SPATA31H1: variants seen among roughly 807,000 people sequenced by gnomAD.
SPATA31H1 encodes SPATA31 subfamily H member 1.
At chr2:27,566,331 C>G in the SPATA31H1 span, 1 of 717,386 alleles carries the variant, frequency 1.4e-6, no homozygotes, top group Admixed American at 2.0e-5. Flanking sequence ...AATATATACT[C>G]TGGTCAATGG....
chr2:27,578,588 A>G, the SPATA31H1 span: 2 of 1,613,900 alleles, frequency 1.2e-6, no homozygotes, highest in Non-Finnish European at 1.7e-6. Context: ...CATTTGAGGA[A>G]CATACAATAT....
At chr2:27,577,894 G>A in the SPATA31H1 span, 56 of 1,614,088 alleles carry the variant, frequency 3.5e-5, no homozygotes, top group East Asian at 4.2e-4. The surrounding 1 kb of genome is among the most constrained non-coding windows in gnomAD (Gnocchi z 4.5). Context: ...TCTGAGGCAC[G>A]GCAGCACAGG....
chr2:27,549,738 G>A, the SPATA31H1 span, among the ~76,000 whole-genome samples: 2 of 151,916 alleles, frequency 1.3e-5, no homozygotes, highest in Admixed American at 1.3e-4. Context: ...GAGCCTGGGA[G>A]GCGAAGGTTG....
the SPATA31H1 span, among the ~76,000 whole-genome samples, chr2:27,563,385 CTTTTT>C: frequency 1.1e-3 from 74 of 68,726 alleles, no homozygotes; most frequent in South Asian, 3.9e-3. Flanking sequence ...TCTTCTACTT[CTTTTT>C]TTTTTTTTTT....
the SPATA31H1 span, chr2:27,537,637 T>G: frequency 1.5e-6 from 1 of 689,268 alleles, no homozygotes; most frequent in Non-Finnish European, 2.7e-6. Flanking sequence ...ACTGCCATAC[T>G]TTGGGCCATG....
At chr2:27,550,439 GAC>G in the SPATA31H1 span, among the ~76,000 whole-genome samples, 126 of 106,490 alleles carry the variant, frequency 1.2e-3, 4 homozygotes, top group East Asian at 0.026. Context: ...TTTTTTTTGA[GAC>G]AGAGTCTCAC....
chr2:27,566,912 T>C, the SPATA31H1 span: 1 of 717,606 alleles, frequency 1.4e-6, no homozygotes, highest in Non-Finnish European at 2.6e-6. Context: ...GTCTGTCTCA[T>C]CTTCCTGTCT....
the SPATA31H1 span, chr2:27,569,800 C>T: frequency 5.0e-6 from 2 of 398,846 alleles, no homozygotes; most frequent in Middle Eastern, 6.3e-4. Flanking sequence ...AATCTAGGCC[C>T]ATCTCAGCCA....
chr2:27,547,725 G>GT, the SPATA31H1 span, among the ~76,000 whole-genome samples: 1 of 151,762 alleles, frequency 6.6e-6, no homozygotes, highest in African/African-American at 2.4e-5. Context: ...ATATAGAGGG[G>GT]TTTTTTGAAG....
the SPATA31H1 span, chr2:27,579,201 A>G: frequency 6.2e-7 from 1 of 1,614,184 alleles, no homozygotes; most frequent in Non-Finnish European, 8.5e-7. Flanking sequence ...TGTCTGGGAG[A>G]GTCATGCCTG....
At chr2:27,581,458 G>T in the SPATA31H1 span, 1 of 1,613,912 alleles carries the variant, frequency 6.2e-7, no homozygotes, top group South Asian at 1.1e-5. Context: ...TCTGAAAGGG[G>T]CCTTCACAGT....
chr2:27,563,383 TTC>T, the SPATA31H1 span, among the ~76,000 whole-genome samples: 5 of 108,608 alleles, frequency 4.6e-5, no homozygotes, highest in African/African-American at 7.3e-5. Context: ...CCTCTTCTAC[TTC>T]TTTTTTTTTT....
the SPATA31H1 span, chr2:27,575,839 T>C: frequency 0.013 from 5,032 of 398,460 alleles, 210 homozygotes; most frequent in African/African-American, 0.094. This position sits in a 1 kb window ranked among gnomAD's most constrained non-coding sequence, Gnocchi z 4.1. Context: ...GTAAATTCTA[T>C]TGGGTGCAAC....
chr2:27,578,694 G>A, the SPATA31H1 span: 10 of 1,613,996 alleles, frequency 6.2e-6, no homozygotes, highest in Middle Eastern at 1.6e-4. Context: ...TCTAGGACAC[G>A]TGTGTCAGAA....
At chr2:27,558,916 A>G in the SPATA31H1 span, among the ~76,000 whole-genome samples, 219 of 42,762 alleles carry the variant, frequency 5.1e-3, no homozygotes, top group Middle Eastern at 0.031. Context: ...GGAGAGGGAG[A>G]GGGAGGGGGA....
At chr2:27,573,189 TTTG>T in the SPATA31H1 span, 1 of 397,690 alleles carries the variant, frequency 2.5e-6, no homozygotes, top group East Asian at 3.6e-5. Context: ...GGAGTTTAAC[TTTG>T]GGCCACAGTT....
At chr2:27,564,719 C>T in the SPATA31H1 span, among the ~76,000 whole-genome samples, 1 of 151,960 alleles carries the variant, frequency 6.6e-6, no homozygotes, top group African/African-American at 2.4e-5. Flanking sequence ...AGGAGAATCG[C>T]TTGAACCCAG....
the SPATA31H1 span, among the ~76,000 whole-genome samples, chr2:27,541,288 G>A: frequency 3.3e-5 from 5 of 151,616 alleles, no homozygotes; most frequent in African/African-American, 9.7e-5. Flanking sequence ...GCAGGCACTC[G>A]GCAGGCTGAT....
chr2:27,580,562 T>C, the SPATA31H1 span: 2 of 1,614,180 alleles, frequency 1.2e-6, no homozygotes, highest in Non-Finnish European at 1.7e-6. Flanking sequence ...TTGGAGCAAC[T>C]CAGACAAGTA....
Sources: allele counts gnomAD v4.1 joint callset (sites outside exome capture counted in the v4.1 genomes callset), GRCh38; gene constraint gnomAD v4.1.1; non-coding constraint Gnocchi (gnomAD v3.1); transcripts MANE v1.5; gene names NCBI Gene and HGNC (gene_info 2026-07-23, HGNC 2026-07-21).